EGLN1: variants seen among roughly 807,000 people sequenced by gnomAD.
The protein encoded by EGLN1 is egl nine homolog 1.
EGLN1 carries 17 observed loss-of-function variants against 38.3 expected under a neutral mutation model. That is an observed-to-expected ratio of 0.44 (90% CI 0.30 to 0.67). The LOEUF (loss-of-function observed/expected upper bound fraction) is 0.67, where lower values mean the gene tolerates loss of function less well. Ranked by LOEUF, EGLN1 falls within the 30% of genes least tolerant of loss-of-function variation. The probability of loss-of-function intolerance (pLI) is 0.08; values close to 1 mark genes in which losing one functional copy is unlikely to be tolerated. For synonymous variants in EGLN1, 283 were observed against 257.5 expected (o/e 1.10, Z -0.95); for missense variants, 477 against 603.3 (o/e 0.79, Z 2.19).
At chr1:231,400,529 C>T (rs778797317) in intron 1 of EGLN1, among the ~76,000 whole-genome samples, 1 of 152,106 alleles carries the variant, frequency 6.6e-6, no homozygotes, top group Non-Finnish European at 1.5e-5. Flanking sequence ...TACTACTTGA[C>T]CAATACCATA....
intron 1 of EGLN1, among the ~76,000 whole-genome samples, chr1:231,389,423 TAAAGA>T (rs930932837): frequency 6.6e-6 from 1 of 151,984 alleles, no homozygotes; most frequent in African/African-American, 2.4e-5. Context: ...AATTTTTTTT[TAAAGA>T]AAAGTGGCCA....
At chr1:231,403,426 G>C (rs1173789497) in intron 1 of EGLN1, among the ~76,000 whole-genome samples, 1 of 151,906 alleles carries the variant, frequency 6.6e-6, no homozygotes, top group African/African-American at 2.4e-5. Flanking sequence ...TTTATAATCA[G>C]AAACTATATA....
At chr1:231,412,691 T>C (rs1410274473) in intron 1 of EGLN1, among the ~76,000 whole-genome samples, 2 of 152,276 alleles carry the variant, frequency 1.3e-5, no homozygotes, top group East Asian at 1.9e-4. Flanking sequence ...TCAACAGTAG[T>C]AGTAGCTAGC....
At position 231,366,296 on chromosome 1, in the gene EGLN1, T is replaced by A. The variant is rs1190095755; in HGVS notation, c.*115A>T. ...AACACAAAAAGTTGTTTCTGTTTCC[T>A]TATTAAAATGCGAACTGGTTGTCTA... On this transcript the variant is annotated 3_prime_UTR_variant, in exon 5 of 5. Coordinates refer to ENST00000366641, the MANE Select transcript of EGLN1 (RefSeq NM_022051.3). The A allele has an allele frequency of 9.1e-6, 11 of 1,203,162 alleles. No homozygotes were observed. Among genetic ancestry groups the A allele is most frequent in the Non-Finnish European group, 1.3e-5 (11 of 822,648 alleles). 74.5% of individuals were successfully genotyped at this position (1,203,162 alleles called of 1,614,324 possible).
chr1:231,370,818 T>C, intron 2 of EGLN1, 120 bp from the exon 3 acceptor site: 1 of 1,150,526 alleles, frequency 8.7e-7, no homozygotes, highest in Non-Finnish European at 1.3e-6. Context: ...TACGTCTCAA[T>C]AAAGTATGAA....
At chr1:231,377,993 G>C (rs577767413) in intron 1 of EGLN1, among the ~76,000 whole-genome samples, 1 of 152,158 alleles carries the variant, frequency 6.6e-6, no homozygotes. Context: ...TCCCAGTATA[G>C]CTCAATTATC....
At chr1:231,368,468 A>G (rs1332470333) in intron 3 of EGLN1, among the ~76,000 whole-genome samples, 2 of 146,258 alleles carry the variant, frequency 1.4e-5, no homozygotes, top group African/African-American at 4.9e-5. Flanking sequence ...AACTTTGTCT[A>G]AACTTCATTT....
chr1:231,399,312 T>G (rs1688606961), intron 1 of EGLN1, among the ~76,000 whole-genome samples: 1 of 152,208 alleles, frequency 6.6e-6, no homozygotes, highest in South Asian at 2.1e-4. Flanking sequence ...ATTAGAAATC[T>G]AAGTTTGGAA....
intron 1 of EGLN1, among the ~76,000 whole-genome samples, chr1:231,400,193 T>A (rs780826418): frequency 6.6e-6 from 1 of 152,196 alleles, no homozygotes; most frequent in Non-Finnish European, 1.5e-5. Flanking sequence ...CTTTTTAGTA[T>A]CCTTTAACAA....
intron 1 of EGLN1, among the ~76,000 whole-genome samples, chr1:231,393,108 G>A (rs1181481929): frequency 2.0e-5 from 3 of 152,178 alleles, no homozygotes; most frequent in Non-Finnish European, 2.9e-5. Flanking sequence ...GAAACTATTA[G>A]GGCCATCTTG....
At chr1:231,383,175 T>C (rs1405704768) in intron 1 of EGLN1, among the ~76,000 whole-genome samples, 1 of 152,048 alleles carries the variant, frequency 6.6e-6, no homozygotes, top group African/African-American at 2.4e-5. Flanking sequence ...CCTAATAAAT[T>C]TTTTTTGTGT....
chr1:231,421,612 G>T lies in EGLN1; in HGVS notation c.277C>A (p.Pro93Thr). 1 of 1,348,102 alleles carries T rather than the reference G, an allele frequency of 7.4e-7. No homozygotes were observed. Among genetic ancestry groups the T allele is most frequent in the Non-Finnish European group, 9.4e-7 (1 of 1,059,936 alleles). 83.5% of individuals were successfully genotyped at this position (1,348,102 alleles called of 1,614,324 possible). ...VPPPRAGARE[P>T]RKAAARRDNA... ...TCCCGGCGCGCCGCTGCCTTCCTGG[G>T]CTCCCGGGCCCCGGCCCTGGGCGGC... Residue 93 changes from proline (P) to threonine (T), a missense_variant, in exon 1 of 5, where the codon CCC (proline) becomes ACC (threonine). Physicochemically the swap from Pro to Thr is conservative, Grantham distance 38 (BLOSUM62 -1). Transcript: ENST00000366641. The surrounding 1 kb of genome is among the most constrained non-coding windows in gnomAD (Gnocchi z 5.5).
At chr1:231,409,731 CTAT>C (rs1219797666) in intron 1 of EGLN1, among the ~76,000 whole-genome samples, 5 of 152,242 alleles carry the variant, frequency 3.3e-5, no homozygotes, top group African/African-American at 1.2e-4. Flanking sequence ...GTTGTTATTA[CTAT>C]TATTTGTTAC....
At chr1:231,374,783 AT>A (rs893495512) in intron 1 of EGLN1, among the ~76,000 whole-genome samples, 4 of 151,610 alleles carry the variant, frequency 2.6e-5, no homozygotes, top group Non-Finnish European at 4.4e-5. Flanking sequence ...AGTGTCAGTG[AT>A]TTTTTTTTAA....
chr1:231,411,997 G>C (rs1204906266), intron 1 of EGLN1, among the ~76,000 whole-genome samples: 1 of 96,656 alleles, frequency 1.0e-5, no homozygotes, highest in Non-Finnish European at 1.9e-5. Context: ...GGGTGACAGA[G>C]TGAGACTCCA....
chr1:231,405,545 G>A (rs558351378), intron 1 of EGLN1, among the ~76,000 whole-genome samples: 1 of 152,184 alleles, frequency 6.6e-6, no homozygotes, highest in African/African-American at 2.4e-5. Flanking sequence ...TGTTAATTAG[G>A]TCAGCATTAC....
At chr1:231,384,592 G>A (rs1688150359) in intron 1 of EGLN1, among the ~76,000 whole-genome samples, 1 of 152,182 alleles carries the variant, frequency 6.6e-6, no homozygotes, top group Admixed American at 6.5e-5. Context: ...GAGGGTCAGT[G>A]TGACTGGAGA....
chr1:231,400,534 A>T (rs1688640325), intron 1 of EGLN1, among the ~76,000 whole-genome samples: 1 of 152,118 alleles, frequency 6.6e-6, no homozygotes, highest in Non-Finnish European at 1.5e-5. Context: ...CTTGACCAAT[A>T]CCATATGTTA....
At chr1:231,370,159 T>C (rs968972381) in intron 3 of EGLN1, among the ~76,000 whole-genome samples, 6 of 152,202 alleles carry the variant, frequency 3.9e-5, no homozygotes, top group Admixed American at 6.5e-5. Flanking sequence ...TCTGTATCCA[T>C]TTTCCTATGT....
Sources: gnomAD v4.1 joint callset for allele counts (sites outside exome capture counted in the v4.1 genomes callset) on GRCh38, gnomAD v4.1.1 for gene constraint, Gnocchi (gnomAD v3.1) non-coding constraint, MANE v1.5 for transcripts, NCBI Gene and HGNC (gene_info 2026-07-23, HGNC 2026-07-21) for gene names.